KCTD3: variants seen among roughly 807,000 people sequenced by gnomAD.
KCTD3 encodes potassium channel tetramerization domain containing 3.
KCTD3 carries 41 observed loss-of-function variants against 85.8 expected under a neutral mutation model. That is an observed-to-expected ratio of 0.48 (90% CI 0.37 to 0.62). The LOEUF is 0.62. Among genes scored for constraint, KCTD3 ranks in the 20% least tolerant of loss-of-function variants. The probability of loss-of-function intolerance (pLI) is 0.00; values close to 1 mark genes in which losing one functional copy is unlikely to be tolerated. For missense variants in KCTD3, 724 were observed against 989.9 expected (o/e 0.73, Z 3.60); for synonymous variants, 338 against 345.4 (o/e 0.98, Z 0.24).
In KCTD3 at chr1:215,569,909, A is replaced by G. The variant is rs142091366; in HGVS notation, c.83+2141A>G. On this transcript the variant is annotated intron_variant, in intron 1 of 17. Coordinates refer to ENST00000259154, the MANE Select transcript of KCTD3 (RefSeq NM_016121.5). ...AACTTCAGAAAATTGTTAAGATAAA[A>G]TGGCTTATAAAATAAGTAGTAATGG... Among the ~76,000 whole-genome samples the G allele has an allele frequency of 1.5e-3, 227 of 152,338 alleles. 3 individuals carry two copies. Among genetic ancestry groups the G allele is most frequent in the African/African-American group, 5.3e-3 (219 of 41,584 alleles).
At chr1:215,591,026 A>C (rs1660184907) in intron 9 of KCTD3, among the ~76,000 whole-genome samples, 1 of 151,840 alleles carries the variant, frequency 6.6e-6, no homozygotes, top group African/African-American at 2.4e-5. Flanking sequence ...CTTTATTTGT[A>C]ATTTTAGGGC....
At chr1:215,567,898 C>A in intron 1 of KCTD3, 130 bp downstream of exon 1, 1 of 554,940 alleles carries the variant, frequency 1.8e-6, no homozygotes, top group Non-Finnish European at 2.7e-6. Flanking sequence ...AACGTGGGGG[C>A]CTCCAGGCGG....
Position 215,620,541 on chromosome 1 carries a change from T to C in KCTD3, c.2371T>C (p.Ser791Pro), listed in dbSNP as rs775135835. The C allele has an allele frequency of 3.7e-6, 6 of 1,613,708 alleles. No homozygotes were observed. In the Admixed American group the frequency reaches 1.0e-4, roughly 27 times the overall value. ...DGGTDSPGTA[S>P]PSPTKTTPSP... is the part of the protein sequence containing the mutation. ...AGGAACTGACTCACCTGGTACTGCG[T>C]CCCCATCTCCTACAAAGACTACTCC... The change falls in exon 18 of 18, where the codon TCC becomes CCC. Residue 791 changes from serine to proline, a missense_variant. Ser to Pro is a moderately conservative substitution (Grantham distance 74). Transcript: ENST00000259154.
At chr1:215,613,693 G>T (rs1445801024) in intron 15 of KCTD3, among the ~76,000 whole-genome samples, 1 of 152,076 alleles carries the variant, frequency 6.6e-6, no homozygotes, top group East Asian at 1.9e-4. Context: ...AAGAGGAAGG[G>T]GTTGAGTTTG....
Position 215,620,722 on chromosome 1 carries a change from T to C in KCTD3, c.*104T>C. 1 of 729,816 alleles carries C rather than the reference T, an allele frequency of 1.4e-6. No individual in the cohort carries two copies. Among genetic ancestry groups the C allele is most frequent in the Non-Finnish European group, 2.2e-6 (1 of 457,142 alleles). The allele number at this position is 729,816 out of a possible 1,614,324, so 45.2% of individuals were successfully genotyped here. ...TACACTAAAACTTTACAAGATAAAA[T>C]TGGACTTCATTTAGTATCTTTTTAA... On this transcript the variant is annotated 3_prime_UTR_variant, in exon 18 of 18. Coordinates refer to ENST00000259154, the MANE Select transcript of KCTD3 (RefSeq NM_016121.5).
At chr1:215,606,381 T>G (rs1655021999) in intron 13 of KCTD3, among the ~76,000 whole-genome samples, 1 of 152,104 alleles carries the variant, frequency 6.6e-6, no homozygotes, top group Non-Finnish European at 1.5e-5. Context: ...ATTTATTTGC[T>G]TGTTTATTAT....
intron 4 of KCTD3, among the ~76,000 whole-genome samples, chr1:215,576,389 T>G (rs997727236): frequency 6.6e-6 from 1 of 151,078 alleles, no homozygotes; most frequent in East Asian, 2.0e-4. Context: ...TTTTTTTTTT[T>G]ACTAAGACTT....
intron 8 of KCTD3, among the ~76,000 whole-genome samples, chr1:215,582,698 A>G (rs1455910427): frequency 6.6e-6 from 1 of 152,036 alleles, no homozygotes; most frequent in African/African-American, 2.4e-5. Flanking sequence ...AGTAGCTGGG[A>G]CTACAGGTGT....
Position 215,611,751 on chromosome 1 carries a change from T to A in KCTD3, c.1466-74T>A, listed in dbSNP as rs1655242152. 3.7e-5 allele frequency: 35 copies of A among 945,276 alleles called. 1 individual carries two copies. The South Asian group carries it at 5.7e-4, about 15-fold the overall frequency. 58.6% of individuals were successfully genotyped at this position (945,276 alleles called of 1,614,324 possible). On this transcript the variant is annotated intron_variant, in intron 14 of 17. Transcript: ENST00000259154. ...AAGAAATTCTTTTCTTATATTAATA[T>A]TAATGTTCCTTTTGTAAAATGAGAA... is the stretch of plus-strand genomic sequence containing the variant.
chr1:215,570,029 A>T (rs1438080284), intron 1 of KCTD3, among the ~76,000 whole-genome samples: 1 of 152,188 alleles, frequency 6.6e-6, no homozygotes, highest in Non-Finnish European at 1.5e-5. Context: ...TTAGAGCTAG[A>T]TGAGATCTAG....
At chr1:215,605,975 G>A (rs1290124223) in intron 13 of KCTD3, among the ~76,000 whole-genome samples, 4 of 152,074 alleles carry the variant, frequency 2.6e-5, no homozygotes, top group South Asian at 2.1e-4. Flanking sequence ...AAACACAAAC[G>A]AAGTTTGATT....
chr1:215,598,492 C>T (rs1229654373), intron 10 of KCTD3, among the ~76,000 whole-genome samples: 1 of 152,008 alleles, frequency 6.6e-6, no homozygotes, highest in African/African-American at 2.4e-5. Flanking sequence ...ACACAAGAAT[C>T]CTGTAGAAAG....
intron 7 of KCTD3, among the ~76,000 whole-genome samples, chr1:215,579,472 T>A (rs1356734207): frequency 6.6e-6 from 1 of 152,008 alleles, no homozygotes; most frequent in Non-Finnish European, 1.5e-5. Flanking sequence ...ATGTAACAAG[T>A]AAGCATGGCT....
chr1:215,610,791 A>ATGGTAAATAATAGTACCTCCCTTATG (rs1227882805), intron 14 of KCTD3, among the ~76,000 whole-genome samples: 1 of 151,792 alleles, frequency 6.6e-6, no homozygotes, highest in Non-Finnish European at 1.5e-5. Context: ...TAAAATGGAG[A>ATGGTAAATAATAGTACCTCCCTTATG]TGGTAAATAA....
intron 12 of KCTD3, 62 bp from the exon 13 acceptor site, chr1:215,604,070 G>A: frequency 3.1e-6 from 4 of 1,298,478 alleles, no homozygotes; most frequent in Non-Finnish European, 3.2e-6. Context: ...GAAGCTTTGC[G>A]AGGGTAGCTT....
At chr1:215,589,440 C>CA (rs1660135227) in intron 9 of KCTD3, among the ~76,000 whole-genome samples, 1 of 152,074 alleles carries the variant, frequency 6.6e-6, no homozygotes, top group Non-Finnish European at 1.5e-5. Context: ...TGTGCCTGGC[C>CA]AATTTCTTTT....
chr1:215,575,493 A>G (rs575933147), intron 3 of KCTD3, among the ~76,000 whole-genome samples: 1 of 152,178 alleles, frequency 6.6e-6, no homozygotes, highest in South Asian at 2.1e-4. Flanking sequence ...ATTAAAGTAC[A>G]TTGTAGTTTT....
At chr1:215,614,939 T>C (rs964432930) in intron 15 of KCTD3, among the ~76,000 whole-genome samples, 3 of 152,152 alleles carry the variant, frequency 2.0e-5, no homozygotes, top group Admixed American at 2.0e-4. Context: ...CTGCCAAATG[T>C]TATTAAAACT....
At chr1:215,602,345 T>G (rs1654862415) in intron 12 of KCTD3, 144 bp downstream of exon 12, 1 of 481,762 alleles carries the variant, frequency 2.1e-6, no homozygotes, top group Admixed American at 3.7e-5. Context: ...AAGTCTAAAA[T>G]TTGTATTCAG....
Sources: gnomAD v4.1 joint callset for allele counts (sites outside exome capture counted in the v4.1 genomes callset) on GRCh38, gnomAD v4.1.1 for gene constraint, MANE v1.5 for transcripts, NCBI Gene and HGNC (gene_info 2026-07-23, HGNC 2026-07-21) for gene names.